DST: variants seen among roughly 807,000 people sequenced by gnomAD.
The protein encoded by DST is dystonin.
Under a neutral mutation model 875.2 loss-of-function variants are expected in DST, and 253 were observed. The ratio of observed to expected loss-of-function variants is 0.29; its 90% CI spans 0.26 to 0.32. DST has a LOEUF of 0.32. Ranked by LOEUF, DST falls within the 10% of genes least tolerant of loss-of-function variation. The pLI is 1.00. For synonymous variants in DST, 3,124 were observed against 3,197.1 expected, an observed-to-expected ratio of 0.98 and a Z score of 0.77; for missense variants, 8,287 against 9,111.6, an observed-to-expected ratio of 0.91 and a Z score of 3.68.
chr6:56,476,226 T>C lies in DST; in HGVS notation c.21787A>G (p.Thr7263Ala). ...TCTTTATCCTTATCAGTAAGTGTAG[T>C]TTCAGCCCATTGCAACCAAGCCAGC... The part of the protein sequence containing the change: ...ALLAWLQWAE[T>A]TLTDKDKEVI... Residue 7263 changes from threonine (T) to alanine (A), a missense_variant, in exon 92 of 104, where the codon ACT (threonine) becomes GCT (alanine). Coordinates refer to ENST00000680361, the MANE Select transcript of DST (RefSeq NM_001374736.1). The C allele has an allele frequency of 6.2e-7, 1 of 1,612,390 alleles. No homozygotes were observed. Among genetic ancestry groups the C allele is most frequent in the Non-Finnish European group, 8.5e-7 (1 of 1,179,184 alleles).
At chr6:56,898,122 C>G (rs759539730) in intron 3 of DST, among the ~76,000 whole-genome samples, 2 of 152,166 alleles carry the variant, frequency 1.3e-5, no homozygotes, top group Non-Finnish European at 2.9e-5. Context: ...GATTTGAACC[C>G]ACGTGAGTCT....
At chr6:56,570,655 G>C (rs1037614726) in intron 53 of DST, among the ~76,000 whole-genome samples, 8 of 152,298 alleles carry the variant, frequency 5.3e-5, no homozygotes, top group Non-Finnish European at 1.0e-4. Context: ...CCATAGACCA[G>C]TAGATACCTC....
Position 56,635,677 on chromosome 6 carries a change from C to T in DST, c.3098G>A (p.Arg1033Lys). The change falls in exon 24 of 104, where the codon AGG becomes AAG. Residue 1033 changes from arginine (R) to lysine (K), a missense_variant. By Grantham distance (26) the Arg-to-Lys change is conservative. This residue lies in a region of DST where 1,160 missense variants were observed against 1,424.3 expected (regional missense o/e 0.81). Transcript: ENST00000680361. ...CCGCTGAATGGCATCTTTTAGATTC[C>T]TTAAGTAATCAGTAGCTTCTTTGGC... is the stretch of plus-strand genomic sequence containing the variant. ...NDAKEATDYL[R>K]NLKDAIQRKY... is the part of the protein sequence containing the mutation. The T allele has an allele frequency of 6.2e-7, 1 of 1,613,800 alleles. No homozygotes were observed. Among genetic ancestry groups the T allele is most frequent in the Non-Finnish European group, 8.5e-7 (1 of 1,179,882 alleles).
At chr6:56,614,558 C>A in intron 36 of DST, 74 bp from the exon 37 acceptor site, 1 of 1,374,840 alleles carries the variant, frequency 7.3e-7, no homozygotes, top group South Asian at 2.1e-5. Context: ...CTCTCCATAG[C>A]AAACAAGAAT....
At chr6:56,916,978 C>A (rs1801468665) in intron 2 of DST, among the ~76,000 whole-genome samples, 1 of 136,382 alleles carries the variant, frequency 7.3e-6, no homozygotes, top group African/African-American at 2.9e-5. Flanking sequence ...CATCAAGCCC[C>A]AGGCATGCTA....
chr6:56,784,481 TC>T (rs1430978559), intron 4 of DST, among the ~76,000 whole-genome samples: 4 of 152,216 alleles, frequency 2.6e-5, no homozygotes, highest in East Asian at 1.9e-4. Context: ...CATTTAATCT[TC>T]CATCGCTGAT....
At chr6:56,711,808 G>A (rs2099364341) in intron 5 of DST, among the ~76,000 whole-genome samples, 1 of 152,114 alleles carries the variant, frequency 6.6e-6, no homozygotes. Flanking sequence ...ATAGGAGGAG[G>A]TGGCCGGGCG....
chr6:56,570,242 G>T (rs145378939), intron 53 of DST, among the ~76,000 whole-genome samples: 1 of 152,088 alleles, frequency 6.6e-6, no homozygotes, highest in Non-Finnish European at 1.5e-5. Flanking sequence ...AGGCCAGGGA[G>T]GGGGGATGGT....
chr6:56,781,026 A>G (rs1046215905), intron 4 of DST, among the ~76,000 whole-genome samples: 19 of 152,170 alleles, frequency 1.2e-4, no homozygotes, highest in African/African-American at 3.6e-4. Flanking sequence ...GTCAAAGATC[A>G]GATAGTTGTA....
At position 56,625,190 on chromosome 6, in the gene DST, T is replaced by C; in HGVS notation, c.4797A>G (p.Arg1599=). The change falls in exon 35 of 104, where the codon AGA becomes AGG. Residue 1599 remains arginine (R), a synonymous_variant. Coordinates refer to ENST00000680361, the MANE Select transcript of DST (RefSeq NM_001374736.1). The part of the protein sequence containing the change: ...SQQKSPVKRR[R]MQSSADLIIQ... The stretch of plus-strand genomic sequence containing the variant: ...TAATGAGATCTGCTGAACTCTGCAT[T>C]CTTCGGCGTTTCACTGGAGATTTTT... 1 of 1,613,536 alleles carries C rather than the reference T, an allele frequency of 6.2e-7. No individual in the cohort carries two copies. Among genetic ancestry groups the C allele is most frequent in the Non-Finnish European group, 8.5e-7 (1 of 1,179,508 alleles).
At chr6:56,683,881 G>A (rs893374274) in intron 9 of DST, among the ~76,000 whole-genome samples, 2 of 152,174 alleles carry the variant, frequency 1.3e-5, no homozygotes, top group Non-Finnish European at 2.9e-5. Flanking sequence ...TGTCAAGCAA[G>A]AAAGCTAAGC....
In DST at chr6:56,527,654, C is replaced by T; in HGVS notation, c.17761G>A (p.Val5921Met). 1 of 1,613,792 alleles carries T rather than the reference C, an allele frequency of 6.2e-7. No homozygotes were observed. Among genetic ancestry groups the T allele is most frequent in the Non-Finnish European group, 8.5e-7 (1 of 1,179,830 alleles). ...AGCGCCTGTTCCAGAGTCTTGGCCA[C>T]ATCAGTGCTCAGTTTAGTAATGTCT... Reference protein sequence around the residue: ...YKDITKLSTDVAKTLEQALQL... With the variant: ...YKDITKLSTDMAKTLEQALQL... The change falls in exon 68 of 104, where the codon GTG becomes ATG. Residue 5921 changes from valine (V) to methionine (M), a missense_variant. Val to Met is a conservative substitution (Grantham distance 21). Transcript: ENST00000680361.
Position 56,458,981 on chromosome 6 carries a change from AG to A in DST, c.*23del. 6.5e-7 allele frequency: 1 copy of A among 1,533,898 alleles called. No individual in the cohort carries two copies. The highest frequency in any genetic ancestry group is 8.8e-7 in the Non-Finnish European group (1 of 1,138,004). On this transcript the variant is annotated 3_prime_UTR_variant, in exon 104 of 104. Transcript: ENST00000680361. ...AACTTAAATAATAAATGCTCAAGGA[AG>A]GGCCTTGGTAGAACCAATTGCACTA...
At chr6:56,592,442 T>G in intron 48 of DST, 84 bp from the exon 49 acceptor site, 4 of 1,142,370 alleles carry the variant, frequency 3.5e-6, no homozygotes, top group Non-Finnish European at 4.9e-6. Flanking sequence ...CTATAAAATA[T>G]GTAACTTGGA....
chr6:56,829,011 C>T (rs2099783990), intron 4 of DST, among the ~76,000 whole-genome samples: 1 of 152,110 alleles, frequency 6.6e-6, no homozygotes, highest in African/African-American at 2.4e-5. Flanking sequence ...CCCCAAGACT[C>T]AGAACACTGG....
intron 5 of DST, among the ~76,000 whole-genome samples, chr6:56,707,117 C>T (rs2099344272): frequency 6.6e-6 from 1 of 152,204 alleles, no homozygotes; most frequent in Admixed American, 6.5e-5. Flanking sequence ...CCAATGCTCG[C>T]CTCCTACTGT....
chr6:56,506,726 C>T lies in DST; in HGVS notation c.19303G>A (p.Glu6435Lys), dbSNP rs763588316. ...ELDIVINLGS[E>K]LIAACGEPDK... ...GGCTCCCCACATGCCGCAATGAGTT[C>T]AGAACCTAGGTTAATAACTATATCC... The change falls in exon 76 of 104, where the codon GAA becomes AAA. Residue 6435 changes from glutamate (E) to lysine (K), a missense_variant. Glu to Lys is a moderately conservative substitution (Grantham distance 56). Transcript: ENST00000680361. The T allele has an allele frequency of 6.2e-7, 1 of 1,613,600 alleles. No individual in the cohort carries two copies. The highest frequency in any genetic ancestry group is 8.5e-7 in the Non-Finnish European group (1 of 1,179,622).
chr6:56,695,126 C>CAAAAAA (rs34456344), intron 9 of DST, among the ~76,000 whole-genome samples: 2 of 70,096 alleles, frequency 2.9e-5, no homozygotes, highest in African/African-American at 1.1e-4. Flanking sequence ...GACTCCCTCT[C>CAAAAAA]AAAAAAAAAA....
At chr6:56,783,097 T>C (rs1284990959) in intron 4 of DST, among the ~76,000 whole-genome samples, 1 of 152,206 alleles carries the variant, frequency 6.6e-6, no homozygotes, top group African/African-American at 2.4e-5. Flanking sequence ...GACAGTTTGT[T>C]ATAATTTCTG....
Sources: allele counts gnomAD v4.1 joint callset (sites outside exome capture counted in the v4.1 genomes callset), GRCh38; gene constraint gnomAD v4.1.1; regional missense constraint gnomAD v4.1.1; transcripts MANE v1.5; gene names NCBI Gene and HGNC (gene_info 2026-07-23, HGNC 2026-07-21).